Variants in CSNK1E observed in about 807,000 individuals in gnomAD.
CSNK1E encodes the protein casein kinase 1 epsilon.
CSNK1E carries 17 observed loss-of-function variants against 46.1 expected under a neutral mutation model. That is an observed-to-expected ratio of 0.37 (90% CI 0.25 to 0.55). The LOEUF is 0.55. CSNK1E is among the 20% of genes least tolerant of loss of function. The pLI, the probability that CSNK1E is intolerant of heterozygous loss-of-function variation, is 0.82. For synonymous variants in CSNK1E, 241 were observed against 242.6 expected (o/e 0.99, Z 0.06); for missense variants, 386 against 595.4 (o/e 0.65, Z 3.66).
At chr22:38,317,923 G>A (rs2092756880), upstream of CSNK1E, 2 of 152,234 alleles carry the variant, frequency 1.3e-5, no homozygotes, top group Admixed American at 1.3e-4. Flanking sequence ...TTCAGGGCAA[G>A]AGATTTGAGG....
intron 2 of CSNK1E, among the ~76,000 whole-genome samples, chr22:38,308,477 C>T (rs949074736): frequency 1.3e-5 from 2 of 152,076 alleles, no homozygotes; most frequent in Non-Finnish European, 2.9e-5. Flanking sequence ...AGCCCAAATC[C>T]TGACTCGGAC....
At chr22:38,316,234 A>G (rs1479615674) in intron 1 of CSNK1E, among the ~76,000 whole-genome samples, 1 of 152,214 alleles carries the variant, frequency 6.6e-6, no homozygotes, top group Non-Finnish European at 1.5e-5. Flanking sequence ...CCCGAACACC[A>G]TCGCCTACCC....
rs776179911 is a variant in CSNK1E at position 38,294,251 on chromosome 22, G to A, written c.1079-3C>T. The A allele has an allele frequency of 3.1e-6, 5 of 1,611,082 alleles. No homozygotes were observed. The highest frequency in any genetic ancestry group is 4.2e-6 in the Non-Finnish European group (5 of 1,179,476). The stretch of plus-strand genomic sequence containing the variant: ...GATCGCTCTGGGAGAAGTATTGCCT[G>A]GAGGGAGAGTGGGAAGCCACCCTCA... On this transcript the variant is annotated splice_region_variant and splice_polypyrimidine_tract_variant and intron_variant, in intron 8 of 10. Coordinates refer to ENST00000396832, the MANE Select transcript of CSNK1E (RefSeq NM_152221.3). The surrounding 1 kb of genome is among the most constrained non-coding windows in gnomAD (Gnocchi z 5.5).
intron 7 of CSNK1E, chr22:38,295,404 C>T (rs1470436984): frequency 1.0e-6 from 1 of 985,472 alleles, no homozygotes; most frequent in Non-Finnish European, 1.2e-6. Flanking sequence ...ATCCTGGGGC[C>T]GTCCACAGGG....
chr22:38,312,536 C>T (rs566502076), intron 2 of CSNK1E, among the ~76,000 whole-genome samples: 1 of 152,286 alleles, frequency 6.6e-6, no homozygotes, highest in Admixed American at 6.5e-5. Context: ...ATGCCTGCCT[C>T]CCCGGGAGTA....
rs1483781962 is a variant in CSNK1E, at chr22:38,298,117, C to T, written c.885+669G>A. ...ACCAGTACGTGGGTGAGTACGTGGG[C>T]CCAGCACAGGGACAGGGGCGGGGAC... On this transcript the variant is annotated intron_variant, in intron 7 of 10. Coordinates refer to ENST00000396832, the MANE Select transcript of CSNK1E (RefSeq NM_152221.3). This position sits in a 1 kb window ranked among gnomAD's most constrained non-coding sequence, Gnocchi z 4.2. The T allele has an allele frequency of 7.8e-7, 1 of 1,280,184 alleles. No individual in the cohort carries two copies. 79.3% of individuals were successfully genotyped at this position (1,280,184 alleles called of 1,614,324 possible). A position where few individuals can be genotyped will look rare whatever the true frequency, so the allele number is the denominator to read the frequency against.
At chr22:38,299,732 C>T (rs973100300) in intron 6 of CSNK1E, among the ~76,000 whole-genome samples, 163 bp downstream of exon 6, 1 of 152,182 alleles carries the variant, frequency 6.6e-6, no homozygotes, top group African/African-American at 2.4e-5. Flanking sequence ...CTGGTCTCGA[C>T]CTCCTGACCT....
chr22:38,300,893 G>T lies in CSNK1E; in HGVS notation c.396C>A (p.Asp132Glu). Residue 132 changes from aspartate to glutamate, a missense_variant, in exon 5 of 11, where the codon GAC (aspartate) becomes GAA (glutamate). Around this residue, in one of 2 missense-constraint regions of CSNK1E, gnomAD observed 212 missense variants for 410.2 expected, o/e 0.52. Coordinates refer to ENST00000396832, the MANE Select transcript of CSNK1E (RefSeq NM_152221.3). This position sits in a 1 kb window ranked among gnomAD's most constrained non-coding sequence, Gnocchi z 4.4. ...TCTTCCCCAGCCCCATGAGGAAGTT[G>T]TCGGGCTTGACGTCCCGGTGGATGA... The part of the protein sequence containing the change: ...KNFIHRDVKP[D>E]NFLMGLGKKG... 1 of 1,614,250 alleles carries T rather than the reference G, an allele frequency of 6.2e-7. No homozygotes were observed. Among genetic ancestry groups the T allele is most frequent in the Non-Finnish European group, 8.5e-7 (1 of 1,180,044 alleles).
At position 38,298,039 on chromosome 22, in the gene CSNK1E, C is replaced by T. The variant is rs938429745; in HGVS notation, c.885+747G>A. 3.2e-5 allele frequency: 37 copies of T among 1,173,880 alleles called. No homozygotes were observed. Among genetic ancestry groups the T allele is most frequent in the African/African-American group, 2.2e-4 (13 of 60,196 alleles). The allele number at this position is 1,173,880 out of a possible 1,614,324, so 72.7% of individuals were successfully genotyped here. A position where few individuals can be genotyped will look rare whatever the true frequency, so the allele number is the denominator to read the frequency against. On this transcript the variant is annotated intron_variant, in intron 7 of 10. Coordinates refer to ENST00000396832, the MANE Select transcript of CSNK1E (RefSeq NM_152221.3). This position sits in a 1 kb window ranked among gnomAD's most constrained non-coding sequence, Gnocchi z 4.2. Reference sequence around the variant, plus strand: ...AGCACAGCTGAGGCTCAGCCTCTTGCGCTCACTGGTCAAGTGGCAAATTTT... The same window carrying T: ...AGCACAGCTGAGGCTCAGCCTCTTGTGCTCACTGGTCAAGTGGCAAATTTT...
intron 10 of CSNK1E, chr22:38,292,206 C>T (rs983057441): frequency 5.3e-5 from 8 of 152,012 alleles, no homozygotes; most frequent in Non-Finnish European, 1.2e-4. Flanking sequence ...AGGCTGGTCT[C>T]GAACTCCTGA....
chr22:38,315,219 ACT>A (rs1172876426), intron 1 of CSNK1E, among the ~76,000 whole-genome samples: 4 of 152,202 alleles, frequency 2.6e-5, no homozygotes, highest in Non-Finnish European at 5.9e-5. Context: ...AAACAGGAAG[ACT>A]GCAGAGCAGC....
At chr22:38,313,175 C>T (rs1354696160) in intron 2 of CSNK1E, among the ~76,000 whole-genome samples, 1 of 152,210 alleles carries the variant, frequency 6.6e-6, no homozygotes, top group Non-Finnish European at 1.5e-5. Flanking sequence ...ACACGACACA[C>T]AGACTTGGTG....
intron 2 of CSNK1E, among the ~76,000 whole-genome samples, chr22:38,305,920 T>G (rs1189428882): frequency 6.6e-6 from 1 of 152,144 alleles, no homozygotes; most frequent in Non-Finnish European, 1.5e-5. Flanking sequence ...CCTGACATCC[T>G]AGCACGGTGC....
intron 7 of CSNK1E, chr22:38,296,722 T>C (rs775982645): frequency 1.9e-6 from 3 of 1,603,176 alleles, no homozygotes; most frequent in East Asian, 4.5e-5. Flanking sequence ...CTAGACAGTC[T>C]TGTGAGACTC....
intron 10 of CSNK1E, 127 bp downstream of exon 10, chr22:38,293,128 G>A: frequency 1.3e-6 from 1 of 781,934 alleles, no homozygotes; most frequent in Non-Finnish European, 2.2e-6. Flanking sequence ...TAGAGTTCTG[G>A]GGCGCCTGGT....
intron 7 of CSNK1E, chr22:38,297,852 G>C (rs2092649010): frequency 9.8e-7 from 1 of 1,016,776 alleles, no homozygotes; most frequent in Non-Finnish European, 1.2e-6. Context: ...CCTCAGGCCT[G>C]GCCCCGATGG....
At chr22:38,299,729 C>G (rs2092660911) in intron 6 of CSNK1E, among the ~76,000 whole-genome samples, 166 bp downstream of exon 6, 1 of 152,232 alleles carries the variant, frequency 6.6e-6, no homozygotes, top group South Asian at 2.1e-4. Flanking sequence ...AGGCTGGTCT[C>G]GACCTCCTGA....
intron 2 of CSNK1E, among the ~76,000 whole-genome samples, chr22:38,312,537 C>T (rs1418890768): frequency 1.3e-5 from 2 of 152,126 alleles, no homozygotes; most frequent in Non-Finnish European, 2.9e-5. Flanking sequence ...TGCCTGCCTC[C>T]CCGGGAGTAG....
At position 38,298,988 on chromosome 22, in the gene CSNK1E, A is replaced by C. The variant is rs1602546116; in HGVS notation, c.737-54T>G. On this transcript the variant is annotated intron_variant, in intron 6 of 10. Transcript: ENST00000396832. The surrounding 1 kb of genome is among the most constrained non-coding windows in gnomAD (Gnocchi z 4.2). ...GCCACTGTGAGGCCCACGCTCCCAGACCCCCTGCAGCCAGCACTGTCCTAG... is the reference window on the plus strand; with the variant it reads ...GCCACTGTGAGGCCCACGCTCCCAGCCCCCCTGCAGCCAGCACTGTCCTAG... The C allele has an allele frequency of 1.2e-6, 2 of 1,604,026 alleles. No individual in the cohort carries two copies.
Sources: gnomAD v4.1 joint callset for allele counts (sites outside exome capture counted in the v4.1 genomes callset) on GRCh38, gnomAD v4.1.1 for gene constraint, gnomAD v4.1.1 regional missense constraint, Gnocchi (gnomAD v3.1) non-coding constraint, MANE v1.5 for transcripts, NCBI Gene and HGNC (gene_info 2026-07-23, HGNC 2026-07-21) for gene names.